Variants in COL4A1 observed in about 807,000 individuals in gnomAD.
The protein encoded by COL4A1 is collagen alpha-1(IV) chain.
COL4A1 carries 40 observed loss-of-function variants against 216.6 expected under a neutral mutation model. That is an observed-to-expected ratio of 0.18 (90% CI 0.14 to 0.24). The LOEUF (loss-of-function observed/expected upper bound fraction) is 0.24, where lower values mean the gene tolerates loss of function less well. Among genes scored for constraint, COL4A1 ranks in the 10% least tolerant of loss-of-function variants. The pLI, the probability that COL4A1 is intolerant of heterozygous loss-of-function variation, is 1.00. For synonymous variants in COL4A1, 839 were observed against 810.7 expected (o/e 1.03, Z -0.59); for missense variants, 1,628 against 2,196.8 (o/e 0.74, Z 5.18).
intron 22 of COL4A1, among the ~76,000 whole-genome samples, 190 bp downstream of exon 22, chr13:110,194,833 C>T (rs998845860): frequency 6.6e-6 from 1 of 152,154 alleles, no homozygotes; most frequent in Non-Finnish European, 1.5e-5. Flanking sequence ...CTCCACCTTT[C>T]CCACCCAGAT....
chr13:110,287,245 T>C (rs1398440518), intron 1 of COL4A1, among the ~76,000 whole-genome samples: 1 of 152,164 alleles, frequency 6.6e-6, no homozygotes, highest in Non-Finnish European at 1.5e-5. Flanking sequence ...TCAACAATAG[T>C]AACAGAATTC....
At chr13:110,214,154 C>T (rs548387168) in intron 2 of COL4A1, 139 bp from the exon 3 acceptor site, 7 of 719,360 alleles carry the variant, frequency 9.7e-6, no homozygotes, top group East Asian at 8.1e-5. Context: ...AGTGCATGCA[C>T]GATCTCGGCT....
chr13:110,238,071 T>C (rs756904541), intron 2 of COL4A1, among the ~76,000 whole-genome samples: 4 of 152,238 alleles, frequency 2.6e-5, no homozygotes, highest in Non-Finnish European at 5.9e-5. Flanking sequence ...GGTTGTTCTA[T>C]CTGATGACAA....
At chr13:110,298,913 CAG>C (rs1017432729) in intron 1 of COL4A1, 7 of 152,510 alleles carry the variant, frequency 4.6e-5, no homozygotes, top group African/African-American at 1.7e-4. Context: ...CCACGGAGGG[CAG>C]AGTCTGCTCC....
At chr13:110,291,341 G>A (rs988165136) in intron 1 of COL4A1, among the ~76,000 whole-genome samples, 1 of 152,202 alleles carries the variant, frequency 6.6e-6, no homozygotes, top group Non-Finnish European at 1.5e-5. Flanking sequence ...CAACTAGGAG[G>A]CAATGGCGAG....
At chr13:110,272,319 C>T (rs78134949) in intron 1 of COL4A1, among the ~76,000 whole-genome samples, 21 of 152,148 alleles carry the variant, frequency 1.4e-4, no homozygotes, top group African/African-American at 4.8e-4. Flanking sequence ...ACCGTAGATA[C>T]GTGAACACAT....
chr13:110,158,548 A>C (rs558966325), intron 49 of COL4A1, among the ~76,000 whole-genome samples: 131 of 150,512 alleles, frequency 8.7e-4, no homozygotes, highest in Non-Finnish European at 1.5e-3. Context: ...GGCACTTCCT[A>C]CCTGATACTG....
At chr13:110,259,750 T>C (rs1303076100) in intron 1 of COL4A1, among the ~76,000 whole-genome samples, 1 of 152,268 alleles carries the variant, frequency 6.6e-6, no homozygotes, top group South Asian at 2.1e-4. Context: ...AATTTAATTA[T>C]ATTAATTTAA....
chr13:110,159,329 A>G (rs1403197557), intron 49 of COL4A1, among the ~76,000 whole-genome samples: 1 of 152,208 alleles, frequency 6.6e-6, no homozygotes, highest in Non-Finnish European at 1.5e-5. Flanking sequence ...AATTTTATGT[A>G]TAAAGCACAG....
chr13:110,186,763 C>T (rs1337376718), intron 25 of COL4A1, among the ~76,000 whole-genome samples: 1 of 152,204 alleles, frequency 6.6e-6, no homozygotes, highest in African/African-American at 2.4e-5. Context: ...CTTCCTCCCT[C>T]ATCTACTTAG....
intron 22 of COL4A1, among the ~76,000 whole-genome samples, chr13:110,194,028 C>T (rs1351475101): frequency 6.6e-6 from 1 of 152,126 alleles, no homozygotes; most frequent in African/African-American, 2.4e-5. Flanking sequence ...GCTAAGATTG[C>T]AGTGTGAAGA....
At chr13:110,187,074 A>G (rs1018409489) in intron 25 of COL4A1, 64 bp downstream of exon 25, 339 of 1,579,548 alleles carry the variant, frequency 2.1e-4, no homozygotes, top group Non-Finnish European at 2.7e-4. Context: ...CAAATTACTC[A>G]TTTCTCAATG....
chr13:110,216,249 A>G (rs1880068980), intron 2 of COL4A1, among the ~76,000 whole-genome samples: 1 of 152,172 alleles, frequency 6.6e-6, no homozygotes, highest in Non-Finnish European at 1.5e-5. Context: ...GACTTGTTCA[A>G]ATGAAGAGCT....
rs572178495 is a variant in COL4A1, at chr13:110,207,618, C to T, written c.694-129G>A. On this transcript the variant is annotated intron_variant, in intron 12 of 51. Coordinates refer to ENST00000375820, the MANE Select transcript of COL4A1 (RefSeq NM_001845.6). The surrounding 1 kb of genome is among the most constrained non-coding windows in gnomAD (Gnocchi z 4.4). ...AAATGTAATTATACTCTATTCTGTTCTAATCATCCTTGCCTCTGCAGAAAA... is the reference window on the plus strand; with the variant it reads ...AAATGTAATTATACTCTATTCTGTTTTAATCATCCTTGCCTCTGCAGAAAA... The T allele has an allele frequency of 1.1e-5, 8 of 719,562 alleles. No individual in the cohort carries two copies. Among genetic ancestry groups the T allele is most frequent in the Middle Eastern group, 2.9e-4 (1 of 3,494 alleles). 44.6% of individuals were successfully genotyped at this position (719,562 alleles called of 1,614,324 possible).
chr13:110,152,337 A>T lies in COL4A1; in HGVS notation c.4925T>A (p.Phe1642Tyr), dbSNP rs1271389791. The change falls in exon 51 of 52, where the codon TTC (phenylalanine) becomes TAC (tyrosine). Residue 1642 changes from phenylalanine to tyrosine, a missense_variant. This residue lies in a region of COL4A1 where 254 missense variants were observed against 300.1 expected (regional missense o/e 0.85). Coordinates refer to ENST00000375820, the MANE Select transcript of COL4A1 (RefSeq NM_001845.6). ...WLATIERSEM[F>Y]KKPTPSTLKA... is the part of the protein sequence containing the mutation. ...AAAAAGCAGTGCTCCCACTTACTTG[A>T]ACATCTCGCTCCTCTCTATGGTGGC... 4 of 1,614,150 alleles carry T rather than the reference A, an allele frequency of 2.5e-6. No individual in the cohort carries two copies. Among genetic ancestry groups the T allele is most frequent in the Non-Finnish European group, 3.4e-6 (4 of 1,180,016 alleles).
chr13:110,186,737 C>T (rs1219767192), intron 25 of COL4A1, among the ~76,000 whole-genome samples, 184 bp from the exon 26 acceptor site: 1 of 152,198 alleles, frequency 6.6e-6, no homozygotes, highest in East Asian at 1.9e-4. Context: ...GCATTCTTCT[C>T]CCTAAGCTGA....
chr13:110,211,858 C>A lies in COL4A1; in HGVS notation c.441+11G>T. On this transcript the variant is annotated intron_variant, in intron 7 of 51. Coordinates refer to ENST00000375820, the MANE Select transcript of COL4A1 (RefSeq NM_001845.6). This position sits in a 1 kb window ranked among gnomAD's most constrained non-coding sequence, Gnocchi z 4.3. ...AAGAAAGAAGTTCTGCCCTAAATAACCTCTACTCACGGGATTTCCAGCGAA... is the reference window on the plus strand; with the variant it reads ...AAGAAAGAAGTTCTGCCCTAAATAAACTCTACTCACGGGATTTCCAGCGAA... 6.2e-7 allele frequency: 1 copy of A among 1,613,974 alleles called. No homozygotes were observed. The highest frequency in any genetic ancestry group is 2.2e-5 in the East Asian group (1 of 44,870).
At chr13:110,297,292 T>C (rs935461536) in intron 1 of COL4A1, among the ~76,000 whole-genome samples, 1 of 152,102 alleles carries the variant, frequency 6.6e-6, no homozygotes, top group African/African-American at 2.4e-5. Flanking sequence ...TTCCAAGAAT[T>C]TCAGGAATTG....
At chr13:110,242,563 C>G in intron 2 of COL4A1, 112 bp downstream of exon 2, 1 of 1,236,812 alleles carries the variant, frequency 8.1e-7, no homozygotes, top group Non-Finnish European at 1.2e-6. Flanking sequence ...GGGAAATTAT[C>G]AAAACAGTAA....
Sources: gnomAD v4.1 joint callset for allele counts (sites outside exome capture counted in the v4.1 genomes callset) on GRCh38, gnomAD v4.1.1 for gene constraint, gnomAD v4.1.1 regional missense constraint, Gnocchi (gnomAD v3.1) non-coding constraint, MANE v1.5 for transcripts, NCBI Gene and HGNC (gene_info 2026-07-23, HGNC 2026-07-21) for gene names.